DIMT1: variants seen among roughly 807,000 people sequenced by gnomAD.
The protein encoded by DIMT1 is DIM1 rRNA methyltransferase and ribosome maturation factor, also known as dimethyladenosine transferase.
A neutral mutation model predicts 43.2 loss-of-function variants in DIMT1; 36 were observed. The observed-to-expected ratio is 0.83, with a 90% CI of 0.64 to 1.10. The LOEUF (loss-of-function observed/expected upper bound fraction) is 1.10. Ranked by LOEUF, DIMT1 falls within the 50% of genes least tolerant of loss-of-function variation. The pLI is 0.00. For synonymous variants in DIMT1, 126 were observed against 130.3 expected, an observed-to-expected ratio of 0.97 and a Z score of 0.22; for missense variants, 341 against 385.3, an observed-to-expected ratio of 0.88 and a Z score of 0.96.
In DIMT1 at chr5:62,403,739, G is replaced by T. The variant is rs1398951508; in HGVS notation, c.34C>A (p.Arg12Ser). 6.2e-7 allele frequency: 1 copy of T among 1,609,868 alleles called. No individual in the cohort carries two copies. The highest frequency in any genetic ancestry group is 1.1e-5 in the South Asian group (1 of 90,924). The change falls in exon 1 of 12, where the codon CGC (arginine) becomes AGC (serine). Residue 12 changes from arginine to serine, a missense_variant. By Grantham distance (110) the Arg-to-Ser change is moderately radical (BLOSUM62 -1). Coordinates refer to ENST00000199320, the MANE Select transcript of DIMT1 (RefSeq NM_014473.4). ...CGGCGCTGCTCCTGCCGCCCGCGGC[G>T]GCGGCCGATGGCCCCCGACTTGACC... is the stretch of plus-strand genomic sequence containing the variant. ...PKVKSGAIGR[R>S]RGRQEQRREL...
At chr5:62,400,685 T>G (rs1742668661) in intron 3 of DIMT1, among the ~76,000 whole-genome samples, 1 of 151,966 alleles carries the variant, frequency 6.6e-6, no homozygotes, top group Non-Finnish European at 1.5e-5. Context: ...CTCCTGGCCC[T>G]ACTTCTATAT....
Position 62,387,630 on chromosome 5 carries a change from T to TC in DIMT1, c.*1379dup, listed in dbSNP as rs1234804076. The TC allele has an allele frequency of 6.6e-6, 1 of 152,122 alleles. No individual in the cohort carries two copies. The highest frequency in any genetic ancestry group is 1.9e-4 in the East Asian group (1 of 5,196). The allele number at this position is 152,122 out of a possible 1,614,324, so 9.4% of individuals were successfully genotyped here. A position where few individuals can be genotyped will look rare whatever the true frequency, so the allele number is the denominator to read the frequency against. On this transcript the variant is annotated 3_prime_UTR_variant, in exon 12 of 12. Coordinates refer to ENST00000199320, the MANE Select transcript of DIMT1 (RefSeq NM_014473.4). ...AGAAAAGGAACTAAAACTCAGCAGT[T>TC]CATAGGGGTAGAGGGAAATAACCTG...
intron 7 of DIMT1, 79 bp downstream of exon 7, chr5:62,394,405 T>G: frequency 6.8e-7 from 1 of 1,466,946 alleles, no homozygotes; most frequent in Non-Finnish European, 9.5e-7. Flanking sequence ...GAGATCGCAG[T>G]GAGCCACTGC....
chr5:62,394,723 G>C, intron 6 of DIMT1, 116 bp from the exon 7 acceptor site: 2 of 1,441,070 alleles, frequency 1.4e-6, no homozygotes, highest in South Asian at 2.7e-5. Flanking sequence ...CTGATTATAA[G>C]GTAGGAGAAC....
chr5:62,391,101 T>G (rs1422765173), intron 10 of DIMT1, 119 bp from the exon 11 acceptor site: 5 of 725,098 alleles, frequency 6.9e-6, no homozygotes, highest in Non-Finnish European at 6.8e-6. Flanking sequence ...TTAATGAGAC[T>G]TTGGAAAGCC....
intron 6 of DIMT1, among the ~76,000 whole-genome samples, chr5:62,397,363 A>T (rs1212848250): frequency 6.6e-6 from 1 of 152,218 alleles, no homozygotes; most frequent in Admixed American, 6.5e-5. Context: ...TTCAGAAAAG[A>T]GGGTATGACA....
intron 2 of DIMT1, 27 bp downstream of exon 2, chr5:62,403,244 ACT>A: frequency 6.3e-7 from 1 of 1,596,014 alleles, no homozygotes; most frequent in Non-Finnish European, 8.6e-7. Context: ...TAAACCAACA[ACT>A]CTCTCCCTTT....
At chr5:62,395,135 G>A (rs907154240) in intron 6 of DIMT1, among the ~76,000 whole-genome samples, 10 of 151,320 alleles carry the variant, frequency 6.6e-5, no homozygotes, top group African/African-American at 1.9e-4. Context: ...AGTGATCCTC[G>A]TTCCTCAGCC....
chr5:62,401,941 A>G, intron 3 of DIMT1, 95 bp downstream of exon 3: 1 of 1,233,020 alleles, frequency 8.1e-7, no homozygotes, highest in South Asian at 1.3e-5. Context: ...TACTACTAAA[A>G]TAATAGCAAT....
chr5:62,398,979 C>T (rs1696197035), intron 3 of DIMT1, 98 bp from the exon 4 acceptor site: 1 of 950,000 alleles, frequency 1.1e-6, no homozygotes, highest in Non-Finnish European at 1.6e-6. Flanking sequence ...ATGTGACAAA[C>T]TTCTTCTCCC....
chr5:62,398,588 G>C, intron 5 of DIMT1, 28 bp from the exon 6 acceptor site: 1 of 1,612,670 alleles, frequency 6.2e-7, no homozygotes, highest in Non-Finnish European at 8.5e-7. Context: ...AGTTATTTCC[G>C]GGAAAGACAC....
At chr5:62,390,205 A>G (rs1182154367) in intron 11 of DIMT1, among the ~76,000 whole-genome samples, 1 of 152,216 alleles carries the variant, frequency 6.6e-6, no homozygotes, top group Non-Finnish European at 1.5e-5. Flanking sequence ...TTAACATCTT[A>G]ATGATTAAAA....
Position 62,402,041 on chromosome 5 carries a change from T to C in DIMT1, c.235A>G (p.Lys79Glu). Residue 79 changes from lysine (K) to glutamate (E), a missense_variant, in exon 3 of 12, where the codon AAA becomes GAA. Coordinates refer to ENST00000199320, the MANE Select transcript of DIMT1 (RefSeq NM_014473.4). ...ACATTAAATCCCCTTTCTACCTTTT[T>C]TGCCTTTTCTAACAACTTTACAGTC... The part of the protein sequence containing the change: ...NMTVKLLEKA[K>E]KVVACELDPR... 3.1e-6 allele frequency: 5 copies of C among 1,613,574 alleles called. No individual in the cohort carries two copies. Among genetic ancestry groups the C allele is most frequent in the Non-Finnish European group, 4.2e-6 (5 of 1,179,842 alleles).
chr5:62,391,220 C>A (rs1457450451), intron 10 of DIMT1: 1 of 375,626 alleles, frequency 2.7e-6, no homozygotes, highest in Non-Finnish European at 4.7e-6. Context: ...CCATTTTCTT[C>A]TTTAAAATTC....
intron 6 of DIMT1, among the ~76,000 whole-genome samples, chr5:62,396,004 A>C (rs894663955): frequency 6.6e-6 from 1 of 152,040 alleles, no homozygotes; most frequent in African/African-American, 2.4e-5. Context: ...AAAAAGAAAA[A>C]AAAGAAAAAA....
At chr5:62,392,552 C>T (rs148738251) in intron 9 of DIMT1, among the ~76,000 whole-genome samples, 223 of 152,242 alleles carry the variant, frequency 1.5e-3, no homozygotes, top group African/African-American at 5.2e-3. Context: ...TCTCACCTCT[C>T]TTTTACCCTT....
At chr5:62,394,731 A>G (rs1190443751) in intron 6 of DIMT1, 124 bp from the exon 7 acceptor site, 2 of 1,372,050 alleles carry the variant, frequency 1.5e-6, no homozygotes, top group Non-Finnish European at 2.0e-6. Flanking sequence ...AAGGTAGGAG[A>G]ACACATTCAG....
At chr5:62,392,268 T>A (rs201635129) in intron 9 of DIMT1, 34 bp from the exon 10 acceptor site, 381 of 1,579,070 alleles carry the variant, frequency 2.4e-4, no homozygotes, top group Non-Finnish European at 3.1e-4. Flanking sequence ...ACTGTTATTA[T>A]TCCAAAGTCA....
At chr5:62,403,652 A>T in intron 1 of DIMT1, 42 bp downstream of exon 1, 1 of 1,577,174 alleles carries the variant, frequency 6.3e-7, no homozygotes, top group Non-Finnish European at 8.6e-7. Flanking sequence ...CTGCCGGAAG[A>T]CCTGACCCGA....
Sources: gnomAD v4.1 joint callset for allele counts (sites outside exome capture counted in the v4.1 genomes callset) on GRCh38, gnomAD v4.1.1 for gene constraint, MANE v1.5 for transcripts, NCBI Gene and HGNC (gene_info 2026-07-23, HGNC 2026-07-21) for gene names.